Variants in DOK6 observed in about 807,000 individuals in gnomAD.
DOK6 encodes the protein docking protein 6.
DOK6 carries 22 observed loss-of-function variants against 44.0 expected under a neutral mutation model. That is an observed-to-expected ratio of 0.50 (90% confidence interval 0.36 to 0.71). The LOEUF (loss-of-function observed/expected upper bound fraction) is 0.71, where lower values mean the gene tolerates loss of function less well. DOK6 is among the 30% of genes least tolerant of loss of function. The pLI, the probability that DOK6 is intolerant of heterozygous loss-of-function variation, is 0.00. For missense variants in DOK6, 340 were observed against 416.4 expected, an observed-to-expected ratio of 0.82 and a Z score of 1.60; for synonymous variants, 166 against 145.5, an observed-to-expected ratio of 1.14 and a Z score of -1.01.
At chr18:69,695,957 C>T (rs891665365) in intron 4 of DOK6, among the ~76,000 whole-genome samples, 8 of 152,024 alleles carry the variant, frequency 5.3e-5, no homozygotes, top group South Asian at 2.1e-4. Context: ...AGAGGCACCA[C>T]GGGTAAATTT....
intron 2 of DOK6, among the ~76,000 whole-genome samples, chr18:69,574,172 A>G (rs561792549): frequency 4.6e-5 from 7 of 152,114 alleles, no homozygotes; most frequent in African/African-American, 1.4e-4. Flanking sequence ...TGTAGTGACA[A>G]TGCAGACCCC....
chr18:69,491,794 G>A (rs546813172), intron 1 of DOK6, among the ~76,000 whole-genome samples: 1 of 152,250 alleles, frequency 6.6e-6, no homozygotes, highest in African/African-American at 2.4e-5. Flanking sequence ...GTTTAGAATA[G>A]GTTGCCCAGG....
At chr18:69,570,777 A>AC (rs1381077881) in intron 2 of DOK6, among the ~76,000 whole-genome samples, 3 of 152,132 alleles carry the variant, frequency 2.0e-5, no homozygotes, top group African/African-American at 7.2e-5. Context: ...ACACACACAC[A>AC]AAAAAGTATC....
At chr18:69,653,937 C>T (rs1022846303) in intron 3 of DOK6, among the ~76,000 whole-genome samples, 3 of 152,038 alleles carry the variant, frequency 2.0e-5, no homozygotes, top group African/African-American at 7.2e-5. Context: ...AATGGGGCCA[C>T]AGATTATCCA....
At chr18:69,467,455 T>C (rs539446717) in intron 1 of DOK6, among the ~76,000 whole-genome samples, 7 of 152,276 alleles carry the variant, frequency 4.6e-5, no homozygotes, top group East Asian at 1.9e-4. Context: ...TCCTATACTA[T>C]AGGAAGTATA....
intron 4 of DOK6, among the ~76,000 whole-genome samples, chr18:69,681,969 A>G (rs1329177165): frequency 6.6e-6 from 1 of 152,220 alleles, no homozygotes; most frequent in Non-Finnish European, 1.5e-5. Flanking sequence ...GTTTATTCAG[A>G]GTCAGACTGA....
intron 3 of DOK6, among the ~76,000 whole-genome samples, chr18:69,672,475 C>T (rs1240189414): frequency 2.0e-5 from 3 of 152,234 alleles, no homozygotes; most frequent in Admixed American, 2.0e-4. Context: ...TCTCCTGTCT[C>T]AGACTCCCGA....
At position 69,683,099 on chromosome 18, in the gene DOK6, C is replaced by G. The variant is rs532962042; in HGVS notation, c.409+5246C>G. ...TATATACATATTCTTTATAACCAAA[C>G]AAAAGAGTTTTCCAGGGCAATAATT... On this transcript the variant is annotated intron_variant, in intron 4 of 7. Coordinates refer to ENST00000382713, the MANE Select transcript of DOK6 (RefSeq NM_152721.6). Among the ~76,000 whole-genome samples the G allele has an allele frequency of 2.6e-5, 4 of 151,794 alleles. No individual in the cohort carries two copies. In the East Asian group the frequency reaches 7.8e-4, roughly 29 times the overall value.
intron 6 of DOK6, among the ~76,000 whole-genome samples, chr18:69,744,945 A>AAC (rs1274812348): frequency 6.6e-6 from 1 of 151,276 alleles, no homozygotes; most frequent in East Asian, 1.9e-4. Context: ...AAAAAAAAAA[A>AAC]AACACCCACA....
intron 7 of DOK6, among the ~76,000 whole-genome samples, chr18:69,818,394 G>GAACTTAATAC (rs1981465035): frequency 6.6e-6 from 1 of 152,168 alleles, no homozygotes; most frequent in South Asian, 2.1e-4. Context: ...AATATTAAGA[G>GAACTTAATAC]GCTTATTTCG....
At chr18:69,596,296 T>A (rs1380174930) in intron 2 of DOK6, among the ~76,000 whole-genome samples, 1 of 152,166 alleles carries the variant, frequency 6.6e-6, no homozygotes, top group East Asian at 1.9e-4. Context: ...CTGCAAATAG[T>A]GGAGCTAAAT....
chr18:69,740,497 T>C (rs916490015), intron 6 of DOK6, among the ~76,000 whole-genome samples: 1 of 152,188 alleles, frequency 6.6e-6, no homozygotes, highest in Non-Finnish European at 1.5e-5. Flanking sequence ...ATAGTTGTTT[T>C]AAACAAGCAA....
intron 1 of DOK6, among the ~76,000 whole-genome samples, chr18:69,466,945 T>C (rs1458350559): frequency 2.6e-5 from 4 of 152,194 alleles, no homozygotes; most frequent in Non-Finnish European, 5.9e-5. Context: ...TCTTTCATTT[T>C]TTGTTTTCAC....
intron 1 of DOK6, among the ~76,000 whole-genome samples, chr18:69,512,152 C>T (rs1259276475): frequency 1.4e-5 from 2 of 144,798 alleles, no homozygotes. Flanking sequence ...AATTATATTC[C>T]ATATTTGCAG....
chr18:69,768,012 G>A (rs551120645), intron 7 of DOK6, among the ~76,000 whole-genome samples: 3 of 152,114 alleles, frequency 2.0e-5, no homozygotes, highest in African/African-American at 7.2e-5. Context: ...CAAATTTGGT[G>A]GAAATTAAAA....
chr18:69,817,589 A>C (rs1051550048), intron 7 of DOK6, among the ~76,000 whole-genome samples: 6 of 152,012 alleles, frequency 3.9e-5, no homozygotes, highest in African/African-American at 1.5e-4. Flanking sequence ...AGAGAACTGC[A>C]TTCTCTCTCT....
chr18:69,626,485 A>G (rs901183600), intron 3 of DOK6, among the ~76,000 whole-genome samples: 1 of 152,246 alleles, frequency 6.6e-6, no homozygotes, highest in African/African-American at 2.4e-5. Flanking sequence ...CATTAGGAAT[A>G]CAGCTGCAAA....
At chr18:69,684,236 A>C (rs1337366583) in intron 4 of DOK6, among the ~76,000 whole-genome samples, 1 of 152,222 alleles carries the variant, frequency 6.6e-6, no homozygotes, top group Non-Finnish European at 1.5e-5. Flanking sequence ...ACTACACCAG[A>C]AAAAGGTCAA....
At chr18:69,562,491 G>T (rs1409230692) in intron 1 of DOK6, among the ~76,000 whole-genome samples, 3 of 152,030 alleles carry the variant, frequency 2.0e-5, no homozygotes, top group Non-Finnish European at 2.9e-5. Flanking sequence ...TGTTCTTTTG[G>T]CTTAGGATTG....
Sources: gnomAD v4.1 joint callset for allele counts (sites outside exome capture counted in the v4.1 genomes callset) on GRCh38, gnomAD v4.1.1 for gene constraint, MANE v1.5 for transcripts, NCBI Gene and HGNC (gene_info 2026-07-23, HGNC 2026-07-21) for gene names.